CTIF: variants seen among roughly 807,000 people sequenced by gnomAD.
CTIF encodes the protein cap binding complex dependent translation initiation factor, also known as CBP80/20-dependent translation initiation factor.
CTIF carries 21 observed loss-of-function variants against 66.0 expected under a neutral mutation model. That is an observed-to-expected ratio of 0.32 (90% CI 0.23 to 0.46). CTIF has a LOEUF of 0.46. Among genes scored for constraint, CTIF ranks in the 20% least tolerant of loss-of-function variants. CTIF has a pLI of 1.00. For synonymous variants in CTIF, 345 were observed against 326.4 expected (o/e 1.06, Z -0.62); for missense variants, 739 against 812.7 (o/e 0.91, Z 1.10).
Position 48,855,748 on chromosome 18 carries a change from G to A in CTIF, c.1528-1840G>A, listed in dbSNP as rs374811902. On this transcript the variant is annotated intron_variant, in intron 10 of 11. Coordinates refer to ENST00000256413, the MANE Select transcript of CTIF (RefSeq NM_014772.3). ...AAACCTCACCTTTGAGTAAGGCCAG[G>A]GACCTGGAAAAGTGGGACTAAAATG... Among the ~76,000 whole-genome samples, 11 of 152,318 alleles carry A rather than the reference G, an allele frequency of 7.2e-5. No individual in the cohort carries two copies. In the East Asian group the frequency reaches 1.5e-3, roughly 21 times the overall value.
chr18:48,680,483 G>A (rs2091721448), intron 6 of CTIF, among the ~76,000 whole-genome samples: 1 of 152,276 alleles, frequency 6.6e-6, no homozygotes, highest in Admixed American at 6.5e-5. Context: ...TTGAGAAGAG[G>A]CCAGCAGGGG....
intron 10 of CTIF, among the ~76,000 whole-genome samples, chr18:48,820,896 C>T (rs1357823737): frequency 6.6e-6 from 1 of 152,168 alleles, no homozygotes; most frequent in East Asian, 1.9e-4. Context: ...CTCACAGAGG[C>T]CCCCTTCATT....
intron 10 of CTIF, among the ~76,000 whole-genome samples, chr18:48,836,335 A>C (rs2068808768): frequency 6.6e-6 from 1 of 152,090 alleles, no homozygotes; most frequent in African/African-American, 2.4e-5. Context: ...CCCCATGCTC[A>C]GCCTGGTCTT....
intron 5 of CTIF, among the ~76,000 whole-genome samples, chr18:48,665,461 T>C (rs1004226042): frequency 6.6e-6 from 1 of 152,180 alleles, no homozygotes; most frequent in African/African-American, 2.4e-5. Flanking sequence ...TTTATAGTTT[T>C]ATATAATTTT....
intron 9 of CTIF, among the ~76,000 whole-genome samples, chr18:48,774,737 G>A (rs192322489): frequency 2.6e-4 from 40 of 152,250 alleles, no homozygotes; most frequent in African/African-American, 8.4e-4. Context: ...GAGCCAGCAC[G>A]TCACCATGTC....
Position 48,670,687 on chromosome 18 carries a change from G to A in CTIF, c.450G>A (p.Leu150=). The A allele has an allele frequency of 6.2e-7, 1 of 1,614,146 alleles. No homozygotes were observed. The highest frequency in any genetic ancestry group is 8.5e-7 in the Non-Finnish European group (1 of 1,179,972). ...IDREGCGKGK[L]EDGDGINLND... ...GGTCCAGGTGTGGCAAAGGGAAGCT[G>A]GAAGATGGGGATGGCATCAACCTGA... The change falls in exon 6 of 12, where the codon CTG becomes CTA. Residue 150 remains leucine, a synonymous_variant. Transcript: ENST00000256413.
intron 9 of CTIF, among the ~76,000 whole-genome samples, chr18:48,796,955 T>C (rs1340092121): frequency 6.6e-6 from 1 of 152,092 alleles, no homozygotes; most frequent in East Asian, 1.9e-4. Flanking sequence ...ACAGCTGGAA[T>C]CACAGGTGCC....
intron 1 of CTIF, among the ~76,000 whole-genome samples, chr18:48,582,077 C>T (rs560050025): frequency 4.0e-5 from 6 of 151,698 alleles, no homozygotes; most frequent in South Asian, 4.2e-4. Context: ...TCTGAGGGGC[C>T]GTCTGTTTCA....
intron 3 of CTIF, among the ~76,000 whole-genome samples, chr18:48,661,649 C>T (rs760039129): frequency 4.6e-5 from 7 of 152,074 alleles, no homozygotes; most frequent in Non-Finnish European, 8.8e-5. Flanking sequence ...GGAGAGAGGA[C>T]GATCCTAGAA....
chr18:48,557,811 G>A (rs974342410), intron 1 of CTIF, among the ~76,000 whole-genome samples: 1 of 152,152 alleles, frequency 6.6e-6, no homozygotes, highest in Non-Finnish European at 1.5e-5. Context: ...GGTCCCACAC[G>A]GTCTCTCCTC....
At chr18:48,608,718 T>C (rs550823566) in intron 1 of CTIF, among the ~76,000 whole-genome samples, 1 of 152,336 alleles carries the variant, frequency 6.6e-6, no homozygotes, top group Admixed American at 6.5e-5. Context: ...TGCTGAGATC[T>C]AGCCTGTGCA....
At chr18:48,548,912 T>C (rs2145514112) in intron 1 of CTIF, among the ~76,000 whole-genome samples, 1 of 152,238 alleles carries the variant, frequency 6.6e-6, no homozygotes, top group South Asian at 2.1e-4. Context: ...AGCCTTGCGC[T>C]AGTGTAAGGT....
At position 48,631,139 on chromosome 18, in the gene CTIF, C is replaced by G. The variant is rs2090704177; in HGVS notation, c.181-5475C>G. On this transcript the variant is annotated intron_variant, in intron 2 of 11. Transcript: ENST00000256413. The stretch of plus-strand genomic sequence containing the variant: ...TCCTCCTCCTCCAATGCTCAGTACC[C>G]TGGGGTCTCCCCAATCTTTCCCAAT... 2.0e-5 allele frequency among the ~76,000 whole-genome samples: 3 copies of G among 152,226 alleles called. No individual in the cohort carries two copies. In the South Asian group the frequency reaches 6.2e-4, roughly 32 times the overall value.
At chr18:48,650,225 C>T (rs943768987) in intron 3 of CTIF, among the ~76,000 whole-genome samples, 1 of 152,078 alleles carries the variant, frequency 6.6e-6, no homozygotes, top group African/African-American at 2.4e-5. Context: ...GAAGCTAAAA[C>T]CCTTGAAAAA....
chr18:48,567,235 T>G lies in CTIF; in HGVS notation c.-29+27923T>G, dbSNP rs889732962. 3.9e-5 allele frequency: 6 copies of G among 152,290 alleles called. No homozygotes were observed. The South Asian group carries it at 1.2e-3, about 32-fold the overall frequency. The allele number at this position is 152,290 out of a possible 1,614,324, so 9.4% of individuals were successfully genotyped here. On this transcript the variant is annotated intron_variant, in intron 1 of 11. Coordinates refer to ENST00000256413, the MANE Select transcript of CTIF (RefSeq NM_014772.3). ...GACAGAGGCACAGGGACAGTGGGGT[T>G]AGCTGGGATGTCCAGGGACAGAAGG...
At chr18:48,611,704 C>G (rs16949646) in intron 1 of CTIF, among the ~76,000 whole-genome samples, 65,803 of 152,100 alleles carry the variant, frequency 0.43, 16,976 homozygotes, top group African/African-American at 0.73. Context: ...ATTAAAGTTT[C>G]GGAAGCAGTG....
At chr18:48,706,319 G>A (rs1478947563) in intron 6 of CTIF, among the ~76,000 whole-genome samples, 4 of 152,172 alleles carry the variant, frequency 2.6e-5, no homozygotes, top group Admixed American at 6.5e-5. Context: ...TTATGAGATT[G>A]CAGGTGCATG....
chr18:48,594,011 A>G (rs2089943027), intron 1 of CTIF, among the ~76,000 whole-genome samples: 1 of 152,138 alleles, frequency 6.6e-6, no homozygotes. Context: ...TGGACCAAAG[A>G]GGTGAATTTT....
chr18:48,817,382 A>G lies in CTIF; in HGVS notation c.1527+6A>G. The G allele has an allele frequency of 6.2e-7, 1 of 1,607,434 alleles. No individual in the cohort carries two copies. Among genetic ancestry groups the G allele is most frequent in the Non-Finnish European group, 8.5e-7 (1 of 1,176,802 alleles). On this transcript the variant is annotated splice_donor_region_variant and intron_variant, in intron 10 of 11. Transcript: ENST00000256413. ...TCTACACCTGCCTCAGGGAGGTAAG[A>G]GACCTGCCGCCTGTGCCCCCTGCAC...
Sources: gnomAD v4.1 joint callset for allele counts (sites outside exome capture counted in the v4.1 genomes callset) on GRCh38, gnomAD v4.1.1 for gene constraint, MANE v1.5 for transcripts, NCBI Gene and HGNC (gene_info 2026-07-23, HGNC 2026-07-21) for gene names.